Variants in ZNF319 observed in about 807,000 individuals in gnomAD.
ZNF319 encodes zinc finger protein 319.
In ZNF319, 15 loss-of-function variants were observed where a neutral mutation model predicts 46.0. The observed-to-expected ratio is 0.33, with a 90% CI of 0.22 to 0.50. ZNF319 has a LOEUF of 0.50. Ranked by LOEUF, ZNF319 falls within the 20% of genes least tolerant of loss-of-function variation. The pLI, the probability that ZNF319 is intolerant of heterozygous loss-of-function variation, is 0.98. For synonymous variants in ZNF319, 368 were observed against 364.0 expected, an observed-to-expected ratio of 1.01 and a Z score of -0.13; for missense variants, 635 against 807.0, an observed-to-expected ratio of 0.79 and a Z score of 2.58.
At position 58,000,455 on chromosome 16, in the gene ZNF319, C is replaced by G. The variant is rs1489034368; in HGVS notation, c.-1220G>C. On this transcript the variant is annotated 5_prime_UTR_variant, in exon 1 of 2. Coordinates refer to ENST00000299237, the MANE Select transcript of ZNF319 (RefSeq NM_020807.3). The surrounding 1 kb of genome is among the most constrained non-coding windows in gnomAD (Gnocchi z 4.5). ...GGGGCGAGCGGCGACCAGCTGCTCT[C>G]TCGGCCGCCCCTTTATTCCGGCTCC... 2.0e-5 allele frequency: 3 copies of G among 150,130 alleles called. No homozygotes were observed. The highest frequency in any genetic ancestry group is 4.5e-5 in the Non-Finnish European group (3 of 67,236). The allele number at this position is 150,130 out of a possible 1,614,324, so 9.3% of individuals were successfully genotyped here.
intron 1 of ZNF319, among the ~76,000 whole-genome samples, 159 bp downstream of exon 1, chr16:57,999,334 C>T (rs1219601569): frequency 2.0e-5 from 3 of 152,098 alleles, no homozygotes; most frequent in Non-Finnish European, 1.5e-5. Context: ...AAGAAACTGC[C>T]CTGGTCTGCC....
Position 57,994,901 on chromosome 16 carries a change from G to C in ZNF319, c.*1616C>G, listed in dbSNP as rs573331638. The C allele has an allele frequency of 6.6e-6, 1 of 152,218 alleles. No homozygotes were observed. Among genetic ancestry groups the C allele is most frequent in the Non-Finnish European group, 1.5e-5 (1 of 68,048 alleles). The allele number at this position is 152,218 out of a possible 1,614,324, so 9.4% of individuals were successfully genotyped here. A position where few individuals can be genotyped will look rare whatever the true frequency, so the allele number is the denominator to read the frequency against. The stretch of plus-strand genomic sequence containing the variant: ...AAGGAAAAGAATTAGCAGTTGGGAC[G>C]GTTGTAGGCCTGGGTTCCATGTCTT... On this transcript the variant is annotated 3_prime_UTR_variant, in exon 2 of 2. Coordinates refer to ENST00000299237, the MANE Select transcript of ZNF319 (RefSeq NM_020807.3).
In ZNF319 at chr16:57,996,013, C is replaced by G. The variant is rs1005246491; in HGVS notation, c.*504G>C. 1.9e-5 allele frequency: 3 copies of G among 158,166 alleles called. No individual in the cohort carries two copies. The highest frequency in any genetic ancestry group is 7.2e-5 in the African/African-American group (3 of 41,648). The allele number at this position is 158,166 out of a possible 1,614,324, so 9.8% of individuals were successfully genotyped here. ...CCCTCTGCCCTCCCAGTCCCCAGGC[C>G]TACGTCTTAAAGCTGGCCTTCTCCC... On this transcript the variant is annotated 3_prime_UTR_variant, in exon 2 of 2. Coordinates refer to ENST00000299237, the MANE Select transcript of ZNF319 (RefSeq NM_020807.3).
rs572601271 is a variant in ZNF319, at chr16:57,994,709, T to C, written c.*1808A>G. 6.6e-5 allele frequency: 10 copies of C among 152,370 alleles called. No individual in the cohort carries two copies. The highest frequency in any genetic ancestry group is 2.2e-4 in the African/African-American group (9 of 41,580). 9.4% of individuals were successfully genotyped at this position (152,370 alleles called of 1,614,324 possible). A position where few individuals can be genotyped will look rare whatever the true frequency, so the allele number is the denominator to read the frequency against. ...GGTCAATGTCTTTACTTCTAAAGCA[T>C]ACATTGGACTCACTATATATTAACA... On this transcript the variant is annotated 3_prime_UTR_variant, in exon 2 of 2. Transcript: ENST00000299237.
Position 57,996,390 on chromosome 16 carries a change from A to G in ZNF319, c.*127T>C. ...TCATACCCCTGCGTCCTCACTCCCG[A>G]GGTCTCAGAACACCGAGCTGGGTGG... On this transcript the variant is annotated 3_prime_UTR_variant, in exon 2 of 2. Coordinates refer to ENST00000299237, the MANE Select transcript of ZNF319 (RefSeq NM_020807.3). 7.0e-7 allele frequency: 1 copy of G among 1,428,416 alleles called. No homozygotes were observed. 88.5% of individuals were successfully genotyped at this position (1,428,416 alleles called of 1,614,324 possible). A position where few individuals can be genotyped will look rare whatever the true frequency, so the allele number is the denominator to read the frequency against.
rs1483482276 is a variant in ZNF319 at position 57,998,267 on chromosome 16, C to T, written c.-2G>A. 6.6e-7 allele frequency: 1 copy of T among 1,520,874 alleles called. No individual in the cohort carries two copies. The highest frequency in any genetic ancestry group is 8.8e-7 in the Non-Finnish European group (1 of 1,135,046). The allele number at this position is 1,520,874 out of a possible 1,614,324, so 94.2% of individuals were successfully genotyped here. On this transcript the variant is annotated 5_prime_UTR_variant, in exon 2 of 2. Transcript: ENST00000299237. ...CGGCTGTTGCCAGCTTTCCGACATG[C>T]TTGGGAAGATGAAACAGGGTTTGGA... is the stretch of plus-strand genomic sequence containing the variant.
chr16:57,996,232 G>C lies in ZNF319; in HGVS notation c.*285C>G. 1 of 477,094 alleles carries C rather than the reference G, an allele frequency of 2.1e-6. No homozygotes were observed. The highest frequency in any genetic ancestry group is 3.6e-6 in the Non-Finnish European group (1 of 280,968). The allele number at this position is 477,094 out of a possible 1,614,324, so 29.6% of individuals were successfully genotyped here. A position where few individuals can be genotyped will look rare whatever the true frequency, so the allele number is the denominator to read the frequency against. On this transcript the variant is annotated 3_prime_UTR_variant, in exon 2 of 2. Transcript: ENST00000299237. Reference sequence around the variant, plus strand: ...CTCCAGTGCCCCGGAAATAAGGGGGGTGCTGATGGCTCTCAAGAAAGTGAA... The same window carrying C: ...CTCCAGTGCCCCGGAAATAAGGGGGCTGCTGATGGCTCTCAAGAAAGTGAA...
chr16:57,997,513 C>T lies in ZNF319; in HGVS notation c.753G>A (p.Thr251=). ...QSSHLVHHKR[T]HSSERPYKCA... Reference sequence around the variant, plus strand: ...ACTTGTAGGGCCGCTCGGAGCTGTGCGTGCGCTTGTGGTGCACCAGGTGCG... The same window carrying T: ...ACTTGTAGGGCCGCTCGGAGCTGTGTGTGCGCTTGTGGTGCACCAGGTGCG... The change falls in exon 2 of 2, where the codon ACG becomes ACA. Residue 251 remains threonine (T), a synonymous_variant. Coordinates refer to ENST00000299237, the MANE Select transcript of ZNF319 (RefSeq NM_020807.3). The T allele has an allele frequency of 6.2e-6, 10 of 1,613,726 alleles. No individual in the cohort carries two copies. Among genetic ancestry groups the T allele is most frequent in the Non-Finnish European group, 8.5e-6 (10 of 1,179,790 alleles).
At position 57,997,386 on chromosome 16, in the gene ZNF319, A is replaced by C. The variant is rs1324134697; in HGVS notation, c.880T>G (p.Leu294Val). ...HHLFRCNVCE[L>V]HFKESSELLQ... The stretch of plus-strand genomic sequence containing the variant: ...AGCTCCGACGACTCCTTGAAATGCA[A>C]CTCGCACACGTTGCAGCGGAACAGG... Residue 294 changes from leucine to valine, a missense_variant, in exon 2 of 2, where the codon TTG becomes GTG. Leu to Val is a conservative substitution (Grantham distance 32). Coordinates refer to ENST00000299237, the MANE Select transcript of ZNF319 (RefSeq NM_020807.3). 1.9e-6 allele frequency: 3 copies of C among 1,611,792 alleles called. 1 individual carries two copies. Among genetic ancestry groups the C allele is most frequent in the Non-Finnish European group, 2.5e-6 (3 of 1,179,214 alleles).
Position 57,997,596 on chromosome 16 carries a change from G to C in ZNF319, c.670C>G (p.His224Asp). 6.2e-7 allele frequency: 1 copy of C among 1,613,918 alleles called. No individual in the cohort carries two copies. Among genetic ancestry groups the C allele is most frequent in the Non-Finnish European group, 8.5e-7 (1 of 1,179,964 alleles). ...CACTTGTAGGGCTTCTCACCGGTGT[G>C]GATCCGCTCATGCCGAGAGAGCTCC... ...LSELSRHERI[H>D]TGEKPYKCTL... Residue 224 changes from histidine (H) to aspartate (D), a missense_variant, in exon 2 of 2, where the codon CAC becomes GAC. Physicochemically the swap from His to Asp is moderately conservative, Grantham distance 81 (BLOSUM62 -1). Transcript: ENST00000299237.
chr16:57,997,073 A>G lies in ZNF319; in HGVS notation c.1193T>C (p.Leu398Pro), dbSNP rs1381375218. Residue 398 changes from leucine (L) to proline (P), a missense_variant, in exon 2 of 2, where the codon CTC (leucine) becomes CCC (proline). Leu to Pro is a moderately conservative substitution (Grantham distance 98). Around this residue, in one of 3 missense-constraint regions of ZNF319, gnomAD observed 270 missense variants for 281.4 expected, o/e 0.96. Transcript: ENST00000299237. ...TTTCTGGCACACGGGGCACTTGAAG[A>G]GAGTCTCGAGGGTGTGCACGTGCTG... ...YHQHVHTLET[L>P]FKCPVCQKGF... 6.2e-7 allele frequency: 1 copy of G among 1,613,538 alleles called. No homozygotes were observed. The highest frequency in any genetic ancestry group is 1.7e-5 in the Admixed American group (1 of 59,998).
rs1963018886 is a variant in ZNF319, at chr16:57,996,588, G to A, written c.1678C>T (p.His560Tyr). ...GCGGCGGCACTGTGCTGCGCGCTGT[G>A]CTCCTGCAACAAGGCCACGTCTAGG... The part of the protein sequence containing the change: ...RFLDVALLQE[H>Y]SAQHSAAAAA... Residue 560 changes from histidine (H) to tyrosine (Y), a missense_variant, in exon 2 of 2, where the codon CAC (histidine) becomes TAC (tyrosine). Physicochemically the swap from His to Tyr is moderately conservative, Grantham distance 83. This residue lies in a region of ZNF319 where 270 missense variants were observed against 281.4 expected (regional missense o/e 0.96). Transcript: ENST00000299237. The A allele has an allele frequency of 6.2e-7, 1 of 1,600,814 alleles. No individual in the cohort carries two copies. Among genetic ancestry groups the A allele is most frequent in the Non-Finnish European group, 8.5e-7 (1 of 1,177,968 alleles).
Position 57,997,002 on chromosome 16 carries a change from C to G in ZNF319, c.1264G>C (p.Gly422Arg), listed in dbSNP as rs749584001. The stretch of plus-strand genomic sequence containing the variant: ...CACTTGAAGGGCCGCTCGGCCGCGC[C>G]GGGCAGGCACTTGTGCCGCAGCAGC... ...AELLRHKCLP[G>R]AAERPFKCPV... The change falls in exon 2 of 2, where the codon GGC (glycine) becomes CGC (arginine). Residue 422 changes from glycine (G) to arginine (R), a missense_variant. Coordinates refer to ENST00000299237, the MANE Select transcript of ZNF319 (RefSeq NM_020807.3). 1 of 1,601,350 alleles carries G rather than the reference C, an allele frequency of 6.2e-7. No individual in the cohort carries two copies. Among genetic ancestry groups the G allele is most frequent in the Non-Finnish European group, 8.5e-7 (1 of 1,176,626 alleles).
At position 57,996,963 on chromosome 16, in the gene ZNF319, T is replaced by G; in HGVS notation, c.1303A>C (p.Lys435Gln). 1 of 1,603,464 alleles carries G rather than the reference T, an allele frequency of 6.2e-7. No individual in the cohort carries two copies. Among genetic ancestry groups the G allele is most frequent in the Non-Finnish European group, 8.5e-7 (1 of 1,178,864 alleles). ...ERPFKCPVCN[K>Q]AYKRASALQK... is the part of the protein sequence containing the mutation. ...AGGGCCGACGCGCGCTTGTAGGCCT[T>G]GTTGCACACAGGGCACTTGAAGGGC... The change falls in exon 2 of 2, where the codon AAG becomes CAG. Residue 435 changes from lysine (K) to glutamine (Q), a missense_variant. By Grantham distance (53) the Lys-to-Gln change is moderately conservative (BLOSUM62 1). Coordinates refer to ENST00000299237, the MANE Select transcript of ZNF319 (RefSeq NM_020807.3).
At chr16:57,998,567 G>T in intron 1 of ZNF319, 45 bp from the exon 2 acceptor site, 1 of 339,968 alleles carries the variant, frequency 2.9e-6, no homozygotes, top group Non-Finnish European at 5.6e-6. Flanking sequence ...GGAACAAGCA[G>T]CAGTTTCCTG....
chr16:57,997,153 G>C lies in ZNF319; in HGVS notation c.1113C>G (p.Phe371Leu), dbSNP rs201171999. ...HRRTHKTEEP[F>L]KCGLCEKGFG... Reference sequence around the variant, plus strand: ...AGCCCTTCTCACATAGGCCGCATTTGAAGGGCTCCTCGGTCTTGTGTGTGC... The same window carrying C: ...AGCCCTTCTCACATAGGCCGCATTTCAAGGGCTCCTCGGTCTTGTGTGTGC... The change falls in exon 2 of 2, where the codon TTC becomes TTG. Residue 371 changes from phenylalanine (F) to leucine (L), a missense_variant. Physicochemically the swap from Phe to Leu is conservative, Grantham distance 22. This residue lies in a region of ZNF319 where 138 missense variants were observed against 248.0 expected (regional missense o/e 0.56). Coordinates refer to ENST00000299237, the MANE Select transcript of ZNF319 (RefSeq NM_020807.3). 22 of 1,613,886 alleles carry C rather than the reference G, an allele frequency of 1.4e-5. No individual in the cohort carries two copies. The highest frequency in any genetic ancestry group is 1.7e-5 in the Admixed American group (1 of 59,998).
In ZNF319 at chr16:57,996,431, G is replaced by A. The variant is rs571120059; in HGVS notation, c.*86C>T. 2.5e-4 allele frequency: 360 copies of A among 1,438,834 alleles called. 3 individuals carry two copies. The highest frequency in any genetic ancestry group is 2.5e-4 in the Middle Eastern group (1 of 3,962). 89.1% of individuals were successfully genotyped at this position (1,438,834 alleles called of 1,614,324 possible). A position where few individuals can be genotyped will look rare whatever the true frequency, so the allele number is the denominator to read the frequency against. On this transcript the variant is annotated 3_prime_UTR_variant, in exon 2 of 2. Coordinates refer to ENST00000299237, the MANE Select transcript of ZNF319 (RefSeq NM_020807.3). ...AGCTGGGTGGGGCCCTTGGTGCAAG[G>A]CAGCTGTGAGGAGCTAGGCTGCGCG...
At position 57,996,364 on chromosome 16, in the gene ZNF319, C is replaced by G; in HGVS notation, c.*153G>C. ...TACGAGCGGCACACCCTCTCCCTGC[C>G]TCATACCCCTGCGTCCTCACTCCCG... On this transcript the variant is annotated 3_prime_UTR_variant, in exon 2 of 2. Transcript: ENST00000299237. The G allele has an allele frequency of 7.1e-7, 1 of 1,408,016 alleles. No individual in the cohort carries two copies. The highest frequency in any genetic ancestry group is 9.3e-7 in the Non-Finnish European group (1 of 1,078,770). 87.2% of individuals were successfully genotyped at this position (1,408,016 alleles called of 1,614,324 possible).
chr16:57,998,003 A>C lies in ZNF319; in HGVS notation c.263T>G (p.Leu88Arg). 6.2e-7 allele frequency: 1 copy of C among 1,612,940 alleles called. No homozygotes were observed. The highest frequency in any genetic ancestry group is 8.5e-7 in the Non-Finnish European group (1 of 1,180,036). Residue 88 changes from leucine to arginine, a missense_variant, in exon 2 of 2, where the codon CTG becomes CGG. Leu to Arg is a moderately radical substitution (Grantham distance 102). This residue lies in a region of ZNF319 where 227 missense variants were observed against 277.5 expected (regional missense o/e 0.82). Coordinates refer to ENST00000299237, the MANE Select transcript of ZNF319 (RefSeq NM_020807.3). ...CGVCGHDLAH[L>R]SSPHEHQCLA... The stretch of plus-strand genomic sequence containing the variant: ...ACACTGGTGCTCATGCGGACTGGAC[A>C]GGTGCGCCAGGTCGTGACCACACAC...
Sources: gnomAD v4.1 joint callset for allele counts (sites outside exome capture counted in the v4.1 genomes callset) on GRCh38, gnomAD v4.1.1 for gene constraint, gnomAD v4.1.1 regional missense constraint, Gnocchi (gnomAD v3.1) non-coding constraint, MANE v1.5 for transcripts, NCBI Gene and HGNC (gene_info 2026-07-23, HGNC 2026-07-21) for gene names.